The following CORIN variants were observed in gnomAD, a reference collection of about 807,000 sequenced individuals.
CORIN encodes the protein corin, serine peptidase.
Under a neutral mutation model 125.3 loss-of-function variants are expected in CORIN, and 117 were observed. The ratio of observed to expected loss-of-function variants is 0.93; its 90% CI spans 0.80 to 1.09. The LOEUF is 1.09. Among genes scored for constraint, CORIN ranks in the 50% least tolerant of loss-of-function variants. The pLI is 0.00. For missense variants in CORIN, 1,253 were observed against 1,306.7 expected (o/e 0.96, Z 0.63); for synonymous variants, 450 against 466.4 (o/e 0.96, Z 0.45).
At chr4:47,665,705 T>C (rs1366431954) in intron 10 of CORIN, among the ~76,000 whole-genome samples, 1 of 152,232 alleles carries the variant, frequency 6.6e-6, no homozygotes, top group African/African-American at 2.4e-5. Context: ...TCTGTCTATA[T>C]GTTTTATTGT....
At chr4:47,829,367 C>CCCTTCTGGA (rs758759442) in intron 1 of CORIN, among the ~76,000 whole-genome samples, 2 of 151,966 alleles carry the variant, frequency 1.3e-5, no homozygotes, top group East Asian at 1.9e-4. Flanking sequence ...TGGGGCAGGA[C>CCCTTCTGGA]CCTTCTGGAC....
At chr4:47,710,684 C>T (rs930939710) in intron 5 of CORIN, among the ~76,000 whole-genome samples, 4 of 152,216 alleles carry the variant, frequency 2.6e-5, no homozygotes, top group East Asian at 1.9e-4. Flanking sequence ...GGCACTGGCC[C>T]GGCCACCTTG....
chr4:47,741,196 C>T (rs1366698798), intron 5 of CORIN, among the ~76,000 whole-genome samples: 2 of 151,972 alleles, frequency 1.3e-5, no homozygotes, highest in South Asian at 2.1e-4. Flanking sequence ...AAAAGGCACA[C>T]TTGCATCCAG....
At chr4:47,814,223 C>T (rs1732172282) in intron 1 of CORIN, among the ~76,000 whole-genome samples, 2 of 152,128 alleles carry the variant, frequency 1.3e-5, no homozygotes, top group African/African-American at 2.4e-5. Flanking sequence ...CACAGAAGCT[C>T]CCTCTAAACA....
intron 2 of CORIN, among the ~76,000 whole-genome samples, chr4:47,805,184 G>C (rs1731735309): frequency 6.7e-6 from 1 of 149,020 alleles, no homozygotes; most frequent in Non-Finnish European, 1.5e-5. Flanking sequence ...GAGTATAATT[G>C]GATTATAAAA....
chr4:47,618,454 A>G (rs779641323), intron 19 of CORIN, among the ~76,000 whole-genome samples: 28 of 152,206 alleles, frequency 1.8e-4, no homozygotes, highest in Admixed American at 3.3e-4. Context: ...GGGAGGAAGA[A>G]GTCTAAGGTC....
At position 47,643,148 on chromosome 4, in the gene CORIN, C is replaced by G. The variant is rs1380518809; in HGVS notation, c.2066G>C (p.Cys689Ser). 1.9e-6 allele frequency: 3 copies of G among 1,614,030 alleles called. No homozygotes were observed. The highest frequency in any genetic ancestry group is 2.7e-5 in the African/African-American group (2 of 74,930). Residue 689 changes from cysteine (C) to serine (S), a missense_variant and splice_region_variant, in exon 15 of 22, where the codon TGT (cysteine) becomes TCT (serine). By Grantham distance (112) the Cys-to-Ser change is moderately radical. Coordinates refer to ENST00000273857, the MANE Select transcript of CORIN (RefSeq NM_006587.4). ...DCSDSSDEWD[C>S]VTLSINVNSS... Reference sequence around the variant, plus strand: ...GATGGCAGAAACAAGTAGCTCACCACAGTCCCATTCATCTGAACTGTCTGA... The same window carrying G: ...GATGGCAGAAACAAGTAGCTCACCAGAGTCCCATTCATCTGAACTGTCTGA...
intron 12 of CORIN, among the ~76,000 whole-genome samples, chr4:47,655,625 G>A (rs1441220150): frequency 6.6e-6 from 1 of 152,138 alleles, no homozygotes; most frequent in African/African-American, 2.4e-5. Context: ...GGAAGAGTGA[G>A]AAGAACTTTG....
At chr4:47,817,086 T>G (rs1012611994) in intron 1 of CORIN, among the ~76,000 whole-genome samples, 1 of 152,126 alleles carries the variant, frequency 6.6e-6, no homozygotes, top group Non-Finnish European at 1.5e-5. Context: ...AGGTAAGTAC[T>G]AAATCTTATG....
At chr4:47,809,678 T>C (rs1034115016) in intron 1 of CORIN, among the ~76,000 whole-genome samples, 1 of 152,130 alleles carries the variant, frequency 6.6e-6, no homozygotes, top group Non-Finnish European at 1.5e-5. Flanking sequence ...AGTGCTGGGA[T>C]CACAGGTGTA....
At chr4:47,704,174 T>C (rs1726442249) in intron 5 of CORIN, among the ~76,000 whole-genome samples, 1 of 152,154 alleles carries the variant, frequency 6.6e-6, no homozygotes, top group Non-Finnish European at 1.5e-5. Flanking sequence ...GTATCCCTAG[T>C]TACCAGGATT....
intron 19 of CORIN, 110 bp from the exon 20 acceptor site, chr4:47,603,778 C>T: frequency 3.4e-6 from 4 of 1,181,658 alleles, no homozygotes; most frequent in Non-Finnish European, 4.7e-6. Flanking sequence ...CATTTTCATG[C>T]CCACCTCTCA....
intron 8 of CORIN, 136 bp from the exon 9 acceptor site, chr4:47,678,190 G>T: frequency 3.0e-6 from 2 of 657,300 alleles, no homozygotes; most frequent in Non-Finnish European, 5.4e-6. Context: ...ACATATCATT[G>T]ATTTTATTTC....
intron 12 of CORIN, among the ~76,000 whole-genome samples, chr4:47,658,688 G>A (rs2109657614): frequency 6.6e-6 from 1 of 152,358 alleles, no homozygotes; most frequent in Admixed American, 6.5e-5. Flanking sequence ...TCTGTGATGG[G>A]AGGGGCTGCC....
At chr4:47,806,139 T>C (rs1731782029) in intron 2 of CORIN, among the ~76,000 whole-genome samples, 1 of 152,106 alleles carries the variant, frequency 6.6e-6, no homozygotes, top group South Asian at 2.1e-4. Context: ...TTAGTTTGAG[T>C]GTGTTTTTAA....
At chr4:47,816,680 C>CAT (rs1732282057) in intron 1 of CORIN, among the ~76,000 whole-genome samples, 1 of 152,116 alleles carries the variant, frequency 6.6e-6, no homozygotes, top group African/African-American at 2.4e-5. Context: ...CCTCAAAGCA[C>CAT]ATGTCTGTTG....
At position 47,800,210 on chromosome 4, in the gene CORIN, A is replaced by G. The variant is rs1300771157; in HGVS notation, c.208+6693T>C. 2.0e-5 allele frequency among the ~76,000 whole-genome samples: 3 copies of G among 152,084 alleles called. No individual in the cohort carries two copies. In the East Asian group the frequency reaches 5.8e-4, roughly 29 times the overall value. On this transcript the variant is annotated intron_variant, in intron 2 of 21. Transcript: ENST00000273857. ...CTATGAATATACTAAAAACTACTGAATTGTAGACTTTAAATGGTTGGATTG... is the reference window on the plus strand; with the variant it reads ...CTATGAATATACTAAAAACTACTGAGTTGTAGACTTTAAATGGTTGGATTG...
chr4:47,694,983 T>C (rs910627187), intron 5 of CORIN, among the ~76,000 whole-genome samples: 1 of 152,200 alleles, frequency 6.6e-6, no homozygotes, highest in Non-Finnish European at 1.5e-5. Context: ...ATCTTCACAA[T>C]ATCAACAACA....
At chr4:47,632,752 TA>T (rs1359331096) in intron 16 of CORIN, among the ~76,000 whole-genome samples, 8 of 110,282 alleles carry the variant, frequency 7.3e-5, no homozygotes, top group African/African-American at 2.9e-4. Context: ...GATAGATAGA[TA>T]GATAGATAGA....
Sources: gnomAD v4.1 joint callset for allele counts (sites outside exome capture counted in the v4.1 genomes callset) on GRCh38, gnomAD v4.1.1 for gene constraint, MANE v1.5 for transcripts, NCBI Gene and HGNC (gene_info 2026-07-23, HGNC 2026-07-21) for gene names.